Variants in CDYL2 observed in about 807,000 individuals in gnomAD.
CDYL2 encodes the protein chromodomain Y-like protein 2.
Under a neutral mutation model 49.4 loss-of-function variants are expected in CDYL2, and 23 were observed. That is an observed-to-expected ratio of 0.47 (90% CI 0.34 to 0.66). The LOEUF is 0.66. CDYL2 is among the 30% of genes least tolerant of loss of function. The pLI is 0.01. For synonymous variants in CDYL2, 360 were observed against 268.8 expected (o/e 1.34, Z -3.32); for missense variants, 678 against 656.4 (o/e 1.03, Z -0.36).
intron 2 of CDYL2, among the ~76,000 whole-genome samples, chr16:80,666,964 G>C (rs933485695): frequency 2.0e-5 from 3 of 152,340 alleles, no homozygotes; most frequent in East Asian, 3.9e-4. Context: ...TTCTGATCGA[G>C]TGAAAGAGGC....
intron 1 of CDYL2, among the ~76,000 whole-genome samples, chr16:80,716,956 G>A (rs1904824875): frequency 6.6e-6 from 1 of 150,454 alleles, no homozygotes; most frequent in Non-Finnish European, 1.5e-5. Flanking sequence ...ATGGATGGAT[G>A]GGCAGATGGA....
chr16:80,664,808 T>C (rs1388170940), intron 2 of CDYL2, among the ~76,000 whole-genome samples: 1 of 152,120 alleles, frequency 6.6e-6, no homozygotes, highest in East Asian at 1.9e-4. Flanking sequence ...CACCTGCATA[T>C]ACCTCAGTTT....
chr16:80,668,715 A>G (rs756177918), intron 2 of CDYL2, among the ~76,000 whole-genome samples: 1 of 151,990 alleles, frequency 6.6e-6, no homozygotes, highest in Non-Finnish European at 1.5e-5. Flanking sequence ...CCTGGCCAAC[A>G]TGGCAAAACC....
At chr16:80,747,903 G>C (rs112660008) in intron 1 of CDYL2, among the ~76,000 whole-genome samples, 1 of 152,044 alleles carries the variant, frequency 6.6e-6, no homozygotes, top group African/African-American at 2.4e-5. Flanking sequence ...AGACTCATTA[G>C]ACACCAGTAC....
At chr16:80,621,326 A>T (rs1466849455) in intron 3 of CDYL2, among the ~76,000 whole-genome samples, 1 of 152,256 alleles carries the variant, frequency 6.6e-6, no homozygotes, top group Non-Finnish European at 1.5e-5. Context: ...TGAGGGATGT[A>T]AGCCATCTCT....
chr16:80,718,540 A>G (rs867649233), intron 1 of CDYL2, among the ~76,000 whole-genome samples: 4 of 152,210 alleles, frequency 2.6e-5, no homozygotes, highest in Non-Finnish European at 2.9e-5. Context: ...ACCTGGCTAT[A>G]TTAAAACAGA....
chr16:80,799,810 C>T lies in CDYL2; in HGVS notation c.24+4340G>A, dbSNP rs536096464. ...GAGGTGGGAGAATCATATACTCATTCCATATTCATCAGGTGTCTTCTACGT... is the reference window on the plus strand; with the variant it reads ...GAGGTGGGAGAATCATATACTCATTTCATATTCATCAGGTGTCTTCTACGT... On this transcript the variant is annotated intron_variant, in intron 1 of 6. Transcript: ENST00000570137. Among the ~76,000 whole-genome samples the T allele has an allele frequency of 3.7e-3, 570 of 152,318 alleles. 3 individuals are homozygous for T. The highest frequency in any genetic ancestry group is 3.5e-3 in the Non-Finnish European group (236 of 68,028).
intron 1 of CDYL2, among the ~76,000 whole-genome samples, chr16:80,796,664 C>T (rs1444011179): frequency 1.3e-5 from 2 of 152,140 alleles, no homozygotes; most frequent in African/African-American, 4.8e-5. Context: ...CCAAGTCATC[C>T]AAAGGGGCAG....
chr16:80,644,082 C>A (rs1190671298), intron 2 of CDYL2, among the ~76,000 whole-genome samples: 1 of 152,228 alleles, frequency 6.6e-6, no homozygotes, highest in South Asian at 2.1e-4. Flanking sequence ...ACCCAAGTCA[C>A]CTCTTGAATG....
intron 2 of CDYL2, among the ~76,000 whole-genome samples, chr16:80,658,116 A>G (rs976702731): frequency 1.3e-5 from 2 of 152,070 alleles, no homozygotes; most frequent in Non-Finnish European, 2.9e-5. Flanking sequence ...CCAAAAAAAA[A>G]AAAATCACAA....
At chr16:80,803,358 T>C (rs934116831) in intron 1 of CDYL2, among the ~76,000 whole-genome samples, 3 of 152,170 alleles carry the variant, frequency 2.0e-5, no homozygotes, top group Non-Finnish European at 4.4e-5. Flanking sequence ...TACTGGGCGC[T>C]GGGCTGGCAT....
At chr16:80,725,612 T>A (rs1457575005) in intron 1 of CDYL2, among the ~76,000 whole-genome samples, 1 of 152,244 alleles carries the variant, frequency 6.6e-6, no homozygotes, top group Admixed American at 6.5e-5. Context: ...AGAACTGTGC[T>A]TAGTTGCTGT....
intron 1 of CDYL2, among the ~76,000 whole-genome samples, chr16:80,784,880 A>AG (rs1337239336): frequency 1.2e-4 from 18 of 152,292 alleles, no homozygotes; most frequent in Admixed American, 1.0e-3. Context: ...TAGTGAAACA[A>AG]GGATGTTTTT....
At chr16:80,663,104 G>A (rs1302279739) in intron 2 of CDYL2, among the ~76,000 whole-genome samples, 1 of 150,726 alleles carries the variant, frequency 6.6e-6, no homozygotes, top group Non-Finnish European at 1.5e-5. Flanking sequence ...GTGGTGTTGG[G>A]GGTCTCCTTC....
intron 2 of CDYL2, among the ~76,000 whole-genome samples, chr16:80,646,538 C>A (rs1047467012): frequency 1.3e-5 from 2 of 152,156 alleles, no homozygotes; most frequent in Admixed American, 6.5e-5. Context: ...CACCTGTAAT[C>A]CCAGCACTTT....
intron 2 of CDYL2, among the ~76,000 whole-genome samples, chr16:80,637,644 G>C (rs1053001743): frequency 4.7e-5 from 7 of 149,062 alleles, no homozygotes; most frequent in African/African-American, 1.8e-4. Context: ...TGAGCAACTG[G>C]AACTTGATGT....
intron 5 of CDYL2, among the ~76,000 whole-genome samples, chr16:80,608,649 A>C (rs1397742963): frequency 6.6e-6 from 1 of 152,118 alleles, no homozygotes; most frequent in Non-Finnish European, 1.5e-5. Context: ...AATAAAGCTC[A>C]AGTGGGGTTT....
chr16:80,599,162 A>G lies in CDYL2; in HGVS notation c.*5226T>C, dbSNP rs368322588. On this transcript the variant is annotated 3_prime_UTR_variant, in exon 7 of 7. Coordinates refer to ENST00000570137, the MANE Select transcript of CDYL2 (RefSeq NM_152342.4). ...GATCAATGATATAAGGTTAAGCCAT[A>G]AAAACACCAGAGGTGAAGTTGAAAA... is the stretch of plus-strand genomic sequence containing the variant. The G allele has an allele frequency of 6.6e-6, 1 of 152,136 alleles. No homozygotes were observed. The highest frequency in any genetic ancestry group is 6.5e-5 in the Admixed American group (1 of 15,282). The allele number at this position is 152,136 out of a possible 1,614,324, so 9.4% of individuals were successfully genotyped here. A position where few individuals can be genotyped will look rare whatever the true frequency, so the allele number is the denominator to read the frequency against.
At chr16:80,697,812 C>T (rs1904281985) in intron 1 of CDYL2, among the ~76,000 whole-genome samples, 1 of 151,694 alleles carries the variant, frequency 6.6e-6, no homozygotes, top group Non-Finnish European at 1.5e-5. Flanking sequence ...GCTACAAAAA[C>T]ATAAAATACC....
Sources: allele counts gnomAD v4.1 joint callset (sites outside exome capture counted in the v4.1 genomes callset), GRCh38; gene constraint gnomAD v4.1.1; transcripts MANE v1.5; gene names NCBI Gene and HGNC (gene_info 2026-07-23, HGNC 2026-07-21).